NREP: variants seen among roughly 807,000 people sequenced by gnomAD.
NREP encodes the protein neuronal regeneration-related protein.
In NREP, 5 loss-of-function variants were observed where a neutral mutation model predicts 8.6. That is an observed-to-expected ratio of 0.58 (90% CI 0.30 to 1.22). The LOEUF (loss-of-function observed/expected upper bound fraction) is 1.22, where lower values mean the gene tolerates loss of function less well. Among genes scored for constraint, NREP ranks in the 50% most tolerant of loss-of-function variants. NREP has a pLI of 0.07. For synonymous variants in NREP, 27 were observed against 28.0 expected, an observed-to-expected ratio of 0.96 and a Z score of 0.11; for missense variants, 86 against 82.5, an observed-to-expected ratio of 1.04 and a Z score of -0.17.
chr5:111,826,563 C>G (rs1042705599), intron 2 of NREP, among the ~76,000 whole-genome samples: 1 of 152,196 alleles, frequency 6.6e-6, no homozygotes, highest in African/African-American at 2.4e-5. Context: ...TCAGGACACA[C>G]CATCTTTAAG....
intron 2 of NREP, among the ~76,000 whole-genome samples, chr5:111,881,391 T>TG (rs1226112326): frequency 1.3e-5 from 2 of 152,136 alleles, no homozygotes; most frequent in African/African-American, 4.8e-5. Flanking sequence ...GCTTCACCTC[T>TG]GGGGGGCAGG....
chr5:111,741,967 A>G (rs1749709087), intron 2 of NREP, among the ~76,000 whole-genome samples: 1 of 152,044 alleles, frequency 6.6e-6, no homozygotes, highest in South Asian at 2.1e-4. Context: ...AAGGAAAGGA[A>G]GGCCTTTGTG....
intron 2 of NREP, among the ~76,000 whole-genome samples, chr5:111,864,130 G>T (rs143336658): frequency 1.3e-5 from 2 of 152,054 alleles, no homozygotes; most frequent in Admixed American, 6.6e-5. Context: ...ACCAAAGACC[G>T]CAATACTTGA....
chr5:111,878,949 GT>G (rs1189134203), intron 2 of NREP, among the ~76,000 whole-genome samples: 1 of 152,206 alleles, frequency 6.6e-6, no homozygotes, highest in African/African-American at 2.4e-5. Context: ...GTTTGATATA[GT>G]TTGGATGTTT....
chr5:111,872,408 C>G (rs1328577087), intron 2 of NREP, among the ~76,000 whole-genome samples: 1 of 152,130 alleles, frequency 6.6e-6, no homozygotes, highest in African/African-American at 2.4e-5. Flanking sequence ...TATATATCAT[C>G]CAAAAACACC....
At chr5:111,947,663 C>T (rs940684119) in intron 2 of NREP, among the ~76,000 whole-genome samples, 9 of 152,016 alleles carry the variant, frequency 5.9e-5, no homozygotes, top group East Asian at 5.8e-4. Context: ...TATAGAGGTT[C>T]GAATACCTAT....
chr5:111,829,783 G>A (rs994895151), intron 2 of NREP, among the ~76,000 whole-genome samples: 3 of 152,120 alleles, frequency 2.0e-5, no homozygotes, highest in African/African-American at 7.2e-5. Flanking sequence ...TCTAGACATT[G>A]ACTAGCTACT....
At chr5:111,864,316 C>CT (rs1380264332) in intron 2 of NREP, among the ~76,000 whole-genome samples, 1 of 151,900 alleles carries the variant, frequency 6.6e-6, no homozygotes, top group African/African-American at 2.4e-5. Flanking sequence ...GAAGTATTGC[C>CT]ATGAGATATT....
At chr5:111,852,575 G>A (rs1397412899) in intron 2 of NREP, among the ~76,000 whole-genome samples, 3 of 152,140 alleles carry the variant, frequency 2.0e-5, no homozygotes, top group East Asian at 3.9e-4. Context: ...ATGCTATTGA[G>A]GTTGTATTTA....
chr5:111,831,580 A>C (rs1460278780), intron 2 of NREP, among the ~76,000 whole-genome samples: 1 of 151,916 alleles, frequency 6.6e-6, no homozygotes, highest in Non-Finnish European at 1.5e-5. Context: ...TTTTGACTCT[A>C]CCACTCTTTC....
At chr5:111,968,582 T>C (rs1405454995) in intron 2 of NREP, among the ~76,000 whole-genome samples, 2 of 152,166 alleles carry the variant, frequency 1.3e-5, no homozygotes, top group Non-Finnish European at 2.9e-5. Flanking sequence ...GTTGCCAATC[T>C]GATTTTGAAA....
upstream of NREP, among the ~76,000 whole-genome samples, chr5:111,762,465 C>T (rs1315519843): frequency 6.6e-6 from 1 of 151,984 alleles, no homozygotes; most frequent in South Asian, 2.1e-4. Flanking sequence ...ACACACCACC[C>T]CCAAAATGTA....
chr5:111,781,214 A>T lies in NREP; in HGVS notation c.136-45707T>A, dbSNP rs532338071. 2.6e-4 allele frequency among the ~76,000 whole-genome samples: 39 copies of T among 152,048 alleles called. No individual in the cohort carries two copies. The South Asian group carries it at 7.5e-3, about 29-fold the overall frequency. ...GTAGATCTTTGTAAGAGCCTTGACC[A>T]ATAGAATGGGGTATAAGTGAGGCTG... is the stretch of plus-strand genomic sequence containing the variant. On this transcript the variant is annotated intron_variant, in intron 2 of 3. Coordinates refer to the NREP transcript ENST00000395634.
upstream of NREP, chr5:111,757,955 G>A: frequency 1.0e-6 from 1 of 985,594 alleles, no homozygotes. Context: ...CTGCAGCAGA[G>A]GGCATCTGAG....
intron 2 of NREP, among the ~76,000 whole-genome samples, chr5:111,794,869 T>TAAAA (rs1443219365): frequency 6.6e-6 from 1 of 152,090 alleles, no homozygotes; most frequent in Non-Finnish European, 1.5e-5. Flanking sequence ...TCATCAATTG[T>TAAAA]AACAAATGTA....
At chr5:111,875,120 C>T (rs989101216) in intron 2 of NREP, among the ~76,000 whole-genome samples, 1 of 152,044 alleles carries the variant, frequency 6.6e-6, no homozygotes, top group African/African-American at 2.4e-5. Context: ...TCAGAAATAA[C>T]AAAGACAAGG....
At chr5:111,940,911 T>A (rs193099554) in intron 2 of NREP, among the ~76,000 whole-genome samples, 27 of 152,206 alleles carry the variant, frequency 1.8e-4, no homozygotes, top group African/African-American at 6.3e-4. Flanking sequence ...GAGAGGCACA[T>A]AGGGCAAGGT....
Position 111,730,911 on chromosome 5 carries a change from G to A in NREP, c.*10C>T, listed in dbSNP as rs181615686. On this transcript the variant is annotated 3_prime_UTR_variant, in exon 4 of 4. Transcript: ENST00000257435. The stretch of plus-strand genomic sequence containing the variant: ...ATACACCATATGTAATACAAATGGA[G>A]GTGTTACGATTAAAAAAAGTGGAGG... 5 of 1,613,756 alleles carry A rather than the reference G, an allele frequency of 3.1e-6. No individual in the cohort carries two copies. The highest frequency in any genetic ancestry group is 3.3e-5 in the Admixed American group (2 of 60,016).
At chr5:111,815,379 TG>T (rs1352315708) in intron 2 of NREP, among the ~76,000 whole-genome samples, 3 of 152,192 alleles carry the variant, frequency 2.0e-5, no homozygotes, top group African/African-American at 7.2e-5. Context: ...AGAAGAAAAG[TG>T]AATTTTCTCT....
Sources: allele counts gnomAD v4.1 joint callset (sites outside exome capture counted in the v4.1 genomes callset), GRCh38; gene constraint gnomAD v4.1.1; transcripts MANE v1.5; gene names NCBI Gene and HGNC (gene_info 2026-07-23, HGNC 2026-07-21).